The following TUB variants were observed in gnomAD, a reference collection of about 807,000 sequenced individuals.
The protein encoded by TUB is TUB bipartite transcription factor.
Under a neutral mutation model 59.7 loss-of-function variants are expected in TUB, and 33 were observed. The ratio of observed to expected loss-of-function variants is 0.55; its 90% confidence interval spans 0.42 to 0.74. The LOEUF (loss-of-function observed/expected upper bound fraction) is 0.74. TUB is among the 30% of genes least tolerant of loss of function. The pLI is 0.00. For synonymous variants in TUB, 293 were observed against 256.4 expected (o/e 1.14, Z -1.36); for missense variants, 659 against 672.0 (o/e 0.98, Z 0.21).
chr11:8,055,788 G>T (rs961103935), intron 2 of TUB, among the ~76,000 whole-genome samples: 3 of 152,226 alleles, frequency 2.0e-5, no homozygotes, highest in African/African-American at 7.2e-5. Context: ...GCATAGGAAA[G>T]GAGCACCCCC....
chr11:8,091,327 C>G (rs563185134), intron 3 of TUB, among the ~76,000 whole-genome samples: 1 of 152,242 alleles, frequency 6.6e-6, no homozygotes, highest in South Asian at 2.1e-4. Flanking sequence ...GCTCGGTCCC[C>G]TGTGTGCATG....
At chr11:8,020,988 A>T (rs756596059) in intron 1 of TUB, among the ~76,000 whole-genome samples, 16 of 151,778 alleles carry the variant, frequency 1.1e-4, no homozygotes, top group Non-Finnish European at 2.4e-4. Flanking sequence ...TCTGGGAGAA[A>T]AACTTAAAGT....
chr11:8,079,943 T>C (rs933255060), upstream of TUB, among the ~76,000 whole-genome samples: 2 of 152,176 alleles, frequency 1.3e-5, no homozygotes, highest in African/African-American at 4.8e-5. Context: ...TTATAATATG[T>C]ACGTAGCACC....
chr11:8,049,521 A>C lies in TUB; in HGVS notation c.203+9829A>C, dbSNP rs1234912809. The stretch of plus-strand genomic sequence containing the variant: ...GAAGTAGTGGCTTATTGCCCAGGCC[A>C]CCTTCACAGCACCTTTTAGAACCAT... On this transcript the variant is annotated intron_variant, in intron 2 of 12. Coordinates refer to the TUB transcript ENST00000305253. Among the ~76,000 whole-genome samples, 4 of 149,924 alleles carry C rather than the reference A, an allele frequency of 2.7e-5. No individual in the cohort carries two copies. In the Admixed American group the frequency reaches 2.7e-4, roughly 10 times the overall value.
chr11:8,060,368 A>T (rs1243085440), intron 2 of TUB, among the ~76,000 whole-genome samples: 2 of 152,218 alleles, frequency 1.3e-5, no homozygotes, highest in Non-Finnish European at 1.5e-5. Context: ...GGAGGAGGTC[A>T]GAACCATGGG....
At position 8,100,880 on chromosome 11, in the gene TUB, G is replaced by A. The variant is rs370188104; in HGVS notation, c.1270G>A (p.Glu424Lys). 2.1e-4 allele frequency: 339 copies of A among 1,614,102 alleles called. No homozygotes were observed. The highest frequency in any genetic ancestry group is 4.9e-4 in the Middle Eastern group (3 of 6,062). ...WQNKNTESIIELQNKTPVWND... is the reference protein window; with the variant it reads ...WQNKNTESIIKLQNKTPVWND... ...GAATAAGAACACGGAGAGTATCATCGAGCTGCAAAACAAGACACCTGTCTG... is the reference window on the plus strand; with the variant it reads ...GAATAAGAACACGGAGAGTATCATCAAGCTGCAAAACAAGACACCTGTCTG... Residue 424 changes from glutamate (E) to lysine (K), a missense_variant, in exon 11 of 12, where the codon GAG becomes AAG. Glu to Lys is a moderately conservative substitution (Grantham distance 56). This residue lies in a region of TUB where 226 missense variants were observed against 210.8 expected (regional missense o/e 1.07). Transcript: ENST00000299506.
At chr11:8,098,578 A>G (rs1469025687) in intron 8 of TUB, among the ~76,000 whole-genome samples, 180 bp from the exon 9 acceptor site, 1 of 152,210 alleles carries the variant, frequency 6.6e-6, no homozygotes, top group Non-Finnish European at 1.5e-5. Context: ...GAGCAAGTCC[A>G]GGCCTTCTGC....
At chr11:8,034,328 A>G (rs1260807143), upstream of TUB, among the ~76,000 whole-genome samples, 1 of 152,126 alleles carries the variant, frequency 6.6e-6, no homozygotes, top group Non-Finnish European at 1.5e-5. Flanking sequence ...TTGAAGATTG[A>G]CAATGATGGG....
chr11:8,027,018 T>C (rs186365400), intron 1 of TUB, among the ~76,000 whole-genome samples: 1 of 152,348 alleles, frequency 6.6e-6, no homozygotes, highest in Admixed American at 6.5e-5. Context: ...TCTGCATATT[T>C]TTCAATGATA....
intron 1 of TUB, among the ~76,000 whole-genome samples, chr11:8,027,415 G>A (rs557996789): frequency 6.6e-6 from 1 of 152,272 alleles, no homozygotes; most frequent in South Asian, 2.1e-4. Flanking sequence ...ATGTTTTCAA[G>A]ATTCATTCAT....
chr11:8,034,664 C>T (rs1942621996), upstream of TUB, among the ~76,000 whole-genome samples: 1 of 152,234 alleles, frequency 6.6e-6, no homozygotes, highest in Admixed American at 6.5e-5. Context: ...TCAACAGCCT[C>T]TCTCAGCTTC....
chr11:8,065,915 G>A (rs893747384), intron 2 of TUB, among the ~76,000 whole-genome samples: 1 of 152,242 alleles, frequency 6.6e-6, no homozygotes, highest in African/African-American at 2.4e-5. Flanking sequence ...ACACATACAT[G>A]ACAGTGTGGA....
rs1944060967 is a variant in TUB, at chr11:8,097,699, A to G, written c.886-15A>G. On this transcript the variant is annotated splice_polypyrimidine_tract_variant and intron_variant, in intron 7 of 11. Transcript: ENST00000299506. ...GAGGCTGAGTCTGGAATATGACCTC[A>G]TTCCACTCCCCAAGGTGTTCCTCCT... 1 of 1,605,490 alleles carries G rather than the reference A, an allele frequency of 6.2e-7. No individual in the cohort carries two copies. The highest frequency in any genetic ancestry group is 1.3e-5 in the African/African-American group (1 of 74,798).
At chr11:8,043,440 C>T (rs918402629) in intron 2 of TUB, among the ~76,000 whole-genome samples, 19 of 152,168 alleles carry the variant, frequency 1.2e-4, no homozygotes, top group African/African-American at 4.6e-4. Context: ...TTAGAATCTG[C>T]TTGTCAATTT....
Position 8,031,840 on chromosome 11 carries a change from T to C in TUB, c.56+12482T>C, listed in dbSNP as rs1015501254. ...GCCAGTCTCGCAGGGCAGGGGTCGA[T>C]TCCAGTCTGGCCTCTGCTCGGGCCC... On this transcript the variant is annotated intron_variant, in intron 1 of 11. Coordinates refer to the TUB transcript ENST00000534099. 1.4e-4 allele frequency among the ~76,000 whole-genome samples: 21 copies of C among 152,306 alleles called. No individual in the cohort carries two copies. The East Asian group carries it at 3.5e-3, about 25-fold the overall frequency.
At chr11:8,085,420 C>T (rs561849663) in intron 1 of TUB, among the ~76,000 whole-genome samples, 1 of 152,342 alleles carries the variant, frequency 6.6e-6, no homozygotes, top group African/African-American at 2.4e-5. Flanking sequence ...GCTGGAACTC[C>T]TGTGAGCAGT....
chr11:8,080,613 G>A (rs1211773958), upstream of TUB, among the ~76,000 whole-genome samples: 1 of 152,226 alleles, frequency 6.6e-6, no homozygotes, highest in African/African-American at 2.4e-5. Context: ...GTCTCTCAAG[G>A]CTACTGTGGA....
intron 3 of TUB, among the ~76,000 whole-genome samples, chr11:8,090,862 C>T (rs900409644): frequency 1.3e-5 from 2 of 151,978 alleles, no homozygotes; most frequent in African/African-American, 4.8e-5. Flanking sequence ...TTCTCAGGAC[C>T]CTCCTTCCTG....
intron 10 of TUB, 105 bp from the exon 11 acceptor site, chr11:8,100,721 A>C: frequency 1.3e-6 from 2 of 1,549,936 alleles, no homozygotes; most frequent in Admixed American, 1.7e-5. Context: ...AAAGCCCTGG[A>C]GGTCTAGGGA....
Sources: gnomAD v4.1 joint callset for allele counts (sites outside exome capture counted in the v4.1 genomes callset) on GRCh38, gnomAD v4.1.1 for gene constraint, gnomAD v4.1.1 regional missense constraint, MANE v1.5 for transcripts, NCBI Gene and HGNC (gene_info 2026-07-23, HGNC 2026-07-21) for gene names.